C5AR1: variants seen among roughly 807,000 people sequenced by gnomAD.
C5AR1 encodes C5a anaphylatoxin chemotactic receptor 1.
In C5AR1, 4 loss-of-function variants were observed where a neutral mutation model predicts 2.4. The ratio of observed to expected loss-of-function variants is 1.65; its 90% CI spans 0.81 to 3.77. The LOEUF (loss-of-function observed/expected upper bound fraction) is 3.77, where lower values mean the gene tolerates loss of function less well. Ranked by LOEUF, C5AR1 falls within the 30% of genes most tolerant of loss-of-function variation. The pLI is 0.01. For synonymous variants in C5AR1, 209 were observed against 210.4 expected (o/e 0.99, Z 0.06); for missense variants, 418 against 462.5 (o/e 0.90, Z 0.88).
rs117536261 is a variant in C5AR1, at chr19:47,320,434, G to A, written c.657G>A (p.Thr219=). 876 of 1,611,576 alleles carry A rather than the reference G, an allele frequency of 5.4e-4. No individual in the cohort carries two copies. The highest frequency in any genetic ancestry group is 7.1e-4 in the Non-Finnish European group (832 of 1,179,990). ...LGFLWPLLTL[T]ICYTFILLRT... ...TCCTGTGGCCTCTACTCACGCTCAC[G>A]ATTTGTTACACTTTCATCCTGCTCC... The change falls in exon 2 of 2, where the codon ACG becomes ACA. Residue 219 remains threonine (T), a synonymous_variant. Coordinates refer to ENST00000355085, the MANE Select transcript of C5AR1 (RefSeq NM_001736.4). The surrounding 1 kb of genome is among the most constrained non-coding windows in gnomAD (Gnocchi z 4.9).
chr19:47,320,990 G>A lies in C5AR1; in HGVS notation c.*160G>A. ...CAGACTTGTCCCTCCTTTTCCAGCG[G>A]GACTCTTCTCATCCTTCCTCATTTG... On this transcript the variant is annotated 3_prime_UTR_variant, in exon 2 of 2. Coordinates refer to ENST00000355085, the MANE Select transcript of C5AR1 (RefSeq NM_001736.4). The surrounding 1 kb of genome is among the most constrained non-coding windows in gnomAD (Gnocchi z 4.9). 1.6e-6 allele frequency: 1 copy of A among 633,026 alleles called. No individual in the cohort carries two copies. The highest frequency in any genetic ancestry group is 1.8e-5 in the African/African-American group (1 of 54,180). 39.2% of individuals were successfully genotyped at this position (633,026 alleles called of 1,614,324 possible).
intron 1 of C5AR1, among the ~76,000 whole-genome samples, chr19:47,313,120 C>A (rs191315854): frequency 2.0e-5 from 3 of 152,002 alleles, no homozygotes; most frequent in Non-Finnish European, 4.4e-5. Flanking sequence ...ATCACAGGTG[C>A]GTGCCACCAC....
rs2059308316 is a variant in C5AR1, at chr19:47,320,879, C to T, written c.*49C>T. 1 of 1,499,156 alleles carries T rather than the reference C, an allele frequency of 6.7e-7. No individual in the cohort carries two copies. Among genetic ancestry groups the T allele is most frequent in the Non-Finnish European group, 9.1e-7 (1 of 1,103,156 alleles). The allele number at this position is 1,499,156 out of a possible 1,614,324, so 92.9% of individuals were successfully genotyped here. On this transcript the variant is annotated 3_prime_UTR_variant, in exon 2 of 2. Transcript: ENST00000355085. The surrounding 1 kb of genome is among the most constrained non-coding windows in gnomAD (Gnocchi z 4.9). ...GGCCCGATGTCCCCTTCCTTCCCGG[C>T]CATTCTCCCTCTTGTTTTCACTTCA... is the stretch of plus-strand genomic sequence containing the variant.
At chr19:47,311,423 C>T (rs925178007) in intron 1 of C5AR1, among the ~76,000 whole-genome samples, 3 of 151,690 alleles carry the variant, frequency 2.0e-5, no homozygotes, top group Non-Finnish European at 4.4e-5. Flanking sequence ...GCACGACAAT[C>T]GCTTGAACCC....
In C5AR1 at chr19:47,320,425, C is replaced by T; in HGVS notation, c.648C>T (p.Leu216=). Residue 216 remains leucine (L), a synonymous_variant, in exon 2 of 2, where the codon CTC becomes CTT. Coordinates refer to ENST00000355085, the MANE Select transcript of C5AR1 (RefSeq NM_001736.4). The surrounding 1 kb of genome is among the most constrained non-coding windows in gnomAD (Gnocchi z 4.9). ...RLVLGFLWPL[L]TLTICYTFIL... ...TCCTGGGCTTCCTGTGGCCTCTACT[C>T]ACGCTCACGATTTGTTACACTTTCA... 1.9e-6 allele frequency: 3 copies of T among 1,611,110 alleles called. No individual in the cohort carries two copies. The highest frequency in any genetic ancestry group is 2.2e-5 in the East Asian group (1 of 44,868).
At chr19:47,307,807 A>G (rs920851328), upstream of C5AR1, 6 of 152,266 alleles carry the variant, frequency 3.9e-5, no homozygotes, top group African/African-American at 1.4e-4. Flanking sequence ...GCAGCATCGC[A>G]GGAGGTGAGT....
intron 1 of C5AR1, among the ~76,000 whole-genome samples, chr19:47,316,012 AT>A (rs35126686): frequency 0.99 from 146,748 of 148,672 alleles, 72,435 homozygotes; most frequent in East Asian, 1. Flanking sequence ...TTATCTAGCT[AT>A]TTTTTTTTTT....
intron 1 of C5AR1, among the ~76,000 whole-genome samples, chr19:47,319,529 A>G (rs1444727987): frequency 2.0e-5 from 3 of 150,290 alleles, no homozygotes; most frequent in African/African-American, 7.3e-5. Context: ...GGCTATTCTC[A>G]AACTCCTGGG....
upstream of C5AR1, among the ~76,000 whole-genome samples, chr19:47,308,803 C>G (rs1005012089): frequency 6.8e-6 from 1 of 146,952 alleles, no homozygotes; most frequent in East Asian, 2.0e-4. Flanking sequence ...GAGACAGAGT[C>G]TTGCTTTGTT....
Position 47,320,537 on chromosome 19 carries a change from T to G in C5AR1, c.760T>G (p.Phe254Val). ...VVAVVASFFI[F>V]WLPYQVTGIM... is the part of the protein sequence containing the mutation. ...GGCAGTGGTGGCCAGTTTCTTTATCTTCTGGTTGCCCTACCAGGTGACGGG... is the reference window on the plus strand; with the variant it reads ...GGCAGTGGTGGCCAGTTTCTTTATCGTCTGGTTGCCCTACCAGGTGACGGG... The change falls in exon 2 of 2, where the codon TTC becomes GTC. Residue 254 changes from phenylalanine (F) to valine (V), a missense_variant. Physicochemically the swap from Phe to Val is conservative, Grantham distance 50. Coordinates refer to ENST00000355085, the MANE Select transcript of C5AR1 (RefSeq NM_001736.4). The surrounding 1 kb of genome is among the most constrained non-coding windows in gnomAD (Gnocchi z 4.9). The G allele has an allele frequency of 6.2e-7, 1 of 1,613,896 alleles. No individual in the cohort carries two copies. Among genetic ancestry groups the G allele is most frequent in the Non-Finnish European group, 8.5e-7 (1 of 1,179,984 alleles).
At chr19:47,310,618 G>A (rs997154802) in intron 1 of C5AR1, among the ~76,000 whole-genome samples, 15 of 152,130 alleles carry the variant, frequency 9.9e-5, no homozygotes, top group African/African-American at 3.4e-4. Flanking sequence ...AGCCTCCTGA[G>A]TATCTGGGAC....
Position 47,320,131 on chromosome 19 carries a change from C to T in C5AR1, c.354C>T (p.Leu118=). 1.9e-6 allele frequency: 3 copies of T among 1,614,196 alleles called. No homozygotes were observed. Among genetic ancestry groups the T allele is most frequent in the Non-Finnish European group, 2.5e-6 (3 of 1,180,048 alleles). The part of the protein sequence containing the change: ...ACSILPSLIL[L]NMYASILLLA... ...GCATCCTGCCCTCCCTCATCCTGCT[C>T]AACATGTACGCCAGCATCCTGCTCC... The change falls in exon 2 of 2, where the codon CTC becomes CTT. Residue 118 remains leucine, a synonymous_variant. Coordinates refer to ENST00000355085, the MANE Select transcript of C5AR1 (RefSeq NM_001736.4). This position sits in a 1 kb window ranked among gnomAD's most constrained non-coding sequence, Gnocchi z 4.9.
At chr19:47,307,557 A>G (rs2059257565), upstream of C5AR1, 1 of 152,274 alleles carries the variant, frequency 6.6e-6, no homozygotes, top group Non-Finnish European at 1.5e-5. Context: ...CATGTTGGCC[A>G]GGCTGGTCTT....
rs755697529 is a variant in C5AR1 at position 47,319,927 on chromosome 19, G to A, written c.150G>A (p.Val50=). ...ALVIFAVVFL[V]GVLGNALVVW... ...TCATCTTTGCAGTCGTCTTCCTGGT[G>A]GGAGTGCTGGGCAATGCCCTGGTGG... is the stretch of plus-strand genomic sequence containing the variant. The change falls in exon 2 of 2, where the codon GTG becomes GTA. Residue 50 remains valine, a synonymous_variant. Transcript: ENST00000355085. The A allele has an allele frequency of 1.2e-6, 2 of 1,614,242 alleles. No homozygotes were observed. Among genetic ancestry groups the A allele is most frequent in the Admixed American group, 1.7e-5 (1 of 60,028 alleles).
intron 1 of C5AR1, among the ~76,000 whole-genome samples, chr19:47,313,134 C>T (rs560912873): frequency 2.0e-5 from 3 of 152,116 alleles, no homozygotes; most frequent in South Asian, 2.1e-4. Flanking sequence ...CCACCACACA[C>T]GGCTAATTTT....
Position 47,320,431 on chromosome 19 carries a change from C to A in C5AR1, c.654C>A (p.Leu218=). Residue 218 remains leucine, a synonymous_variant, in exon 2 of 2, where the codon CTC becomes CTA. Coordinates refer to ENST00000355085, the MANE Select transcript of C5AR1 (RefSeq NM_001736.4). This position sits in a 1 kb window ranked among gnomAD's most constrained non-coding sequence, Gnocchi z 4.9. ...VLGFLWPLLT[L]TICYTFILLR... ...GCTTCCTGTGGCCTCTACTCACGCT[C>A]ACGATTTGTTACACTTTCATCCTGC... The A allele has an allele frequency of 3.1e-6, 5 of 1,611,464 alleles. No homozygotes were observed. The highest frequency in any genetic ancestry group is 4.2e-6 in the Non-Finnish European group (5 of 1,179,962).
At chr19:47,318,662 G>A (rs936668089) in intron 1 of C5AR1, among the ~76,000 whole-genome samples, 2 of 151,946 alleles carry the variant, frequency 1.3e-5, no homozygotes, top group Non-Finnish European at 1.5e-5. Flanking sequence ...ATTCCATGCC[G>A]CATGCATAGT....
In C5AR1 at chr19:47,321,618, G is replaced by GCAAAAA. The variant is rs1028307887; in HGVS notation, c.*803_*808dup. 1 of 152,010 alleles carries GCAAAAA rather than the reference G, an allele frequency of 6.6e-6. No individual in the cohort carries two copies. Among genetic ancestry groups the GCAAAAA allele is most frequent in the Non-Finnish European group, 1.5e-5 (1 of 67,982 alleles). The allele number at this position is 152,010 out of a possible 1,614,324, so 9.4% of individuals were successfully genotyped here. Reference sequence around the variant, plus strand: ...AGGGAGGCTCTGTCTCAAAAGCAAAGCAAAAACAAAAACAAAAACACCTAA... The same window carrying GCAAAAA: ...AGGGAGGCTCTGTCTCAAAAGCAAAGCAAAAACAAAAACAAAAACAAAAACACCTAA... On this transcript the variant is annotated 3_prime_UTR_variant, in exon 2 of 2. Transcript: ENST00000355085.
intron 1 of C5AR1, among the ~76,000 whole-genome samples, chr19:47,318,688 A>G (rs900514823): frequency 2.6e-5 from 4 of 152,132 alleles, no homozygotes; most frequent in African/African-American, 9.6e-5. Flanking sequence ...CTCAGTAAGT[A>G]CTGGCTGCTT....
Sources: gnomAD v4.1 joint callset for allele counts (sites outside exome capture counted in the v4.1 genomes callset) on GRCh38, gnomAD v4.1.1 for gene constraint, Gnocchi (gnomAD v3.1) non-coding constraint, MANE v1.5 for transcripts, NCBI Gene and HGNC (gene_info 2026-07-23, HGNC 2026-07-21) for gene names.